ASTL: variants seen among roughly 807,000 people sequenced by gnomAD.
The protein encoded by ASTL is astacin like metalloendopeptidase.
A neutral mutation model predicts 36.7 loss-of-function variants in ASTL; 27 were observed. That is an observed-to-expected ratio of 0.73 (90% CI 0.54 to 1.01). ASTL has a LOEUF of 1.01. Ranked by LOEUF, ASTL falls within the 50% of genes least tolerant of loss-of-function variation. ASTL has a pLI of 0.00. For synonymous variants in ASTL, 222 were observed against 228.1 expected, an observed-to-expected ratio of 0.97 and a Z score of 0.24; for missense variants, 524 against 572.8, an observed-to-expected ratio of 0.91 and a Z score of 0.87.
At position 96,137,715 on chromosome 2, in the gene ASTL, C is replaced by G. The variant is rs1289788867; in HGVS notation, c.56-15G>C. 3.1e-6 allele frequency: 5 copies of G among 1,608,632 alleles called. No individual in the cohort carries two copies. Among genetic ancestry groups the G allele is most frequent in the Non-Finnish European group, 4.2e-6 (5 of 1,177,610 alleles). On this transcript the variant is annotated splice_polypyrimidine_tract_variant and intron_variant, in intron 1 of 8. Coordinates refer to ENST00000342380, the MANE Select transcript of ASTL (RefSeq NM_001002036.4). ...TAGGATCACACCTGGTCCAGACAGA[C>G]AGGGGCATACACAGATGCCTGGAGC...
Position 96,132,744 on chromosome 2 carries a change from G to A in ASTL, c.456-23C>T. 2 of 1,594,008 alleles carry A rather than the reference G, an allele frequency of 1.3e-6. No individual in the cohort carries two copies. Among genetic ancestry groups the A allele is most frequent in the Non-Finnish European group, 1.7e-6 (2 of 1,164,974 alleles). ...CACCTGCAGGGTGATGAGAGCAAGT[G>A]GGGTAAGTGCCAGCCCAGATCCCTC... On this transcript the variant is annotated intron_variant, in intron 5 of 8. Transcript: ENST00000342380. This position sits in a 1 kb window ranked among gnomAD's most constrained non-coding sequence, Gnocchi z 5.4.
rs1682328560 is a variant in ASTL at position 96,137,610 on chromosome 2, G to T, written c.146C>A (p.Ala49Asp). 2 of 1,613,976 alleles carry T rather than the reference G, an allele frequency of 1.2e-6. No homozygotes were observed. The highest frequency in any genetic ancestry group is 1.7e-6 in the Non-Finnish European group (2 of 1,179,884). ...TGCAGGAATGTCCTTGTCCCCGGAGGCCTGGGTTCCCTCAGGGGTGAGGCC... is the reference window on the plus strand; with the variant it reads ...TGCAGGAATGTCCTTGTCCCCGGAGTCCTGGGTTCCCTCAGGGGTGAGGCC... ...PDGLTPEGTQ[A>D]SGDKDIPAIN... Residue 49 changes from alanine (A) to aspartate (D), a missense_variant, in exon 2 of 9, where the codon GCC (alanine) becomes GAC (aspartate). Coordinates refer to ENST00000342380, the MANE Select transcript of ASTL (RefSeq NM_001002036.4).
chr2:96,130,187 G>C (rs549889647), intron 6 of ASTL, 42 bp from the exon 7 acceptor site: 5 of 1,524,202 alleles, frequency 3.3e-6, no homozygotes, highest in African/African-American at 2.7e-5. Flanking sequence ...TATATAAAGA[G>C]GGCAGGCAAG....
Position 96,138,464 on chromosome 2 carries a change from A to G in ASTL, c.-28T>C. 1 of 1,598,380 alleles carries G rather than the reference A, an allele frequency of 6.3e-7. No individual in the cohort carries two copies. Among genetic ancestry groups the G allele is most frequent in the Non-Finnish European group, 8.5e-7 (1 of 1,170,452 alleles). Reference sequence around the variant, plus strand: ...TAGAGCCCTGCTGCCCCTTCAGCAAACAAGACCAAGCCCCAGCAAGACACA... The same window carrying G: ...TAGAGCCCTGCTGCCCCTTCAGCAAGCAAGACCAAGCCCCAGCAAGACACA... On this transcript the variant is annotated 5_prime_UTR_variant, in exon 1 of 9. Coordinates refer to ENST00000342380, the MANE Select transcript of ASTL (RefSeq NM_001002036.4).
intron 8 of ASTL, among the ~76,000 whole-genome samples, chr2:96,125,406 A>T (rs1455460679): frequency 6.6e-6 from 1 of 152,126 alleles, no homozygotes; most frequent in Non-Finnish European, 1.5e-5. Context: ...ACTTGGGTCT[A>T]TTCCTGTCTT....
At chr2:96,130,235 T>A in intron 6 of ASTL, 90 bp from the exon 7 acceptor site, 1 of 1,018,690 alleles carries the variant, frequency 9.8e-7, no homozygotes, top group Non-Finnish European at 1.5e-6. Flanking sequence ...TTCTGGGAGC[T>A]CATAACTCAC....
chr2:96,126,278 C>T (rs909455995), intron 8 of ASTL, among the ~76,000 whole-genome samples: 2 of 152,188 alleles, frequency 1.3e-5, no homozygotes, highest in Non-Finnish European at 2.9e-5. Context: ...TGATGAGGGA[C>T]ATGTGTCTAG....
chr2:96,132,752 T>C lies in ASTL; in HGVS notation c.456-31A>G. 4.4e-6 allele frequency: 7 copies of C among 1,588,324 alleles called. No homozygotes were observed. The highest frequency in any genetic ancestry group is 6.0e-6 in the Non-Finnish European group (7 of 1,161,210). Reference sequence around the variant, plus strand: ...GGGTGATGAGAGCAAGTGGGGTAAGTGCCAGCCCAGATCCCTCCGGACATA... The same window carrying C: ...GGGTGATGAGAGCAAGTGGGGTAAGCGCCAGCCCAGATCCCTCCGGACATA... On this transcript the variant is annotated intron_variant, in intron 5 of 8. Coordinates refer to ENST00000342380, the MANE Select transcript of ASTL (RefSeq NM_001002036.4). This position sits in a 1 kb window ranked among gnomAD's most constrained non-coding sequence, Gnocchi z 5.4.
chr2:96,123,166 T>C lies in ASTL; in HGVS notation c.*684A>G, dbSNP rs1372235006. ...CTGCGCCTGGCTGAGCTCCAGGGAATAGCGGTGTAGGGTGGAGACAACTGA... is the reference window on the plus strand; with the variant it reads ...CTGCGCCTGGCTGAGCTCCAGGGAACAGCGGTGTAGGGTGGAGACAACTGA... On this transcript the variant is annotated 3_prime_UTR_variant, in exon 9 of 9. Coordinates refer to ENST00000342380, the MANE Select transcript of ASTL (RefSeq NM_001002036.4). Among the ~76,000 whole-genome samples the C allele has an allele frequency of 6.6e-6, 1 of 152,206 alleles. No homozygotes were observed. The highest frequency in any genetic ancestry group is 1.5e-5 in the Non-Finnish European group (1 of 68,024).
At position 96,129,833 on chromosome 2, in the gene ASTL, G is replaced by A. The variant is rs376388497; in HGVS notation, c.865C>T (p.Arg289Cys). Residue 289 changes from arginine to cysteine, a missense_variant, in exon 8 of 9, where the codon CGT (arginine) becomes TGT (cysteine). Arg to Cys is a radical substitution (Grantham distance 180). Coordinates refer to ENST00000342380, the MANE Select transcript of ASTL (RefSeq NM_001002036.4). ...CTGCCATGCCACTCACCTCTCCCAC[G>A]GGGCCTGGGGCCACTTGGGCTGCAG... ...YGCSPSGPRP[R>C]GRGSHAHSTG... 1.4e-5 allele frequency: 21 copies of A among 1,551,140 alleles called. No individual in the cohort carries two copies. Among genetic ancestry groups the A allele is most frequent in the African/African-American group, 2.7e-5 (2 of 73,012 alleles).
At chr2:96,135,306 A>C in intron 3 of ASTL, 45 bp downstream of exon 3, 1 of 1,577,760 alleles carries the variant, frequency 6.3e-7, no homozygotes, top group South Asian at 1.1e-5. Context: ...CCTGTCGCCA[A>C]CTGTGGGCTT....
chr2:96,126,391 A>G (rs1189294140), intron 8 of ASTL, among the ~76,000 whole-genome samples: 2 of 152,248 alleles, frequency 1.3e-5, no homozygotes, highest in Non-Finnish European at 2.9e-5. Context: ...CAACAAGCAC[A>G]TTAAAAGATG....
intron 6 of ASTL, among the ~76,000 whole-genome samples, chr2:96,131,086 G>GT (rs1308526224): frequency 6.6e-6 from 1 of 152,152 alleles, no homozygotes; most frequent in Non-Finnish European, 1.5e-5. Flanking sequence ...GGGAACCCGT[G>GT]TTTTAGCCTG....
intron 3 of ASTL, among the ~76,000 whole-genome samples, chr2:96,134,831 A>C (rs537793728): frequency 6.6e-6 from 1 of 152,316 alleles, no homozygotes; most frequent in African/African-American, 2.4e-5. Flanking sequence ...CATGGCTGCC[A>C]TCCTGGGCAC....
chr2:96,125,100 T>C (rs1466466302), intron 8 of ASTL, among the ~76,000 whole-genome samples: 1 of 152,156 alleles, frequency 6.6e-6, no homozygotes, highest in East Asian at 1.9e-4. Context: ...AGACCCAGCA[T>C]CATCCTACAC....
intron 8 of ASTL, among the ~76,000 whole-genome samples, chr2:96,125,393 C>A (rs1682045241): frequency 6.6e-6 from 1 of 151,840 alleles, no homozygotes; most frequent in Non-Finnish European, 1.5e-5. Context: ...GATCCTCCTG[C>A]AGACTTGGGT....
At position 96,137,664 on chromosome 2, in the gene ASTL, G is replaced by A. The variant is rs1682330479; in HGVS notation, c.92C>T (p.Ala31Val). ...ILGAPLASSCAGACGTSFPDG... is the reference protein window; with the variant it reads ...ILGAPLASSCVGACGTSFPDG... ...TGGGAAGCTGGTACCACAGGCTCCT[G>A]CGCAGCTGGAGGCCAGGGGCGCTCC... Residue 31 changes from alanine (A) to valine (V), a missense_variant, in exon 2 of 9, where the codon GCA becomes GTA. Coordinates refer to ENST00000342380, the MANE Select transcript of ASTL (RefSeq NM_001002036.4). 3.1e-6 allele frequency: 5 copies of A among 1,613,710 alleles called. No homozygotes were observed. Among genetic ancestry groups the A allele is most frequent in the Non-Finnish European group, 4.2e-6 (5 of 1,179,876 alleles).
intron 3 of ASTL, 120 bp from the exon 4 acceptor site, chr2:96,134,178 A>C: frequency 8.5e-6 from 6 of 701,992 alleles, no homozygotes; most frequent in South Asian, 6.1e-5. Flanking sequence ...ACCTGTGTGC[A>C]TGGGAATGGG....
chr2:96,123,953 G>A lies in ASTL; in HGVS notation c.1193C>T (p.Pro398Leu), dbSNP rs1184122330. The change falls in exon 9 of 9, where the codon CCA (proline) becomes CTA (leucine). Residue 398 changes from proline to leucine, a missense_variant. Physicochemically the swap from Pro to Leu is moderately conservative, Grantham distance 98. Transcript: ENST00000342380. Reference sequence around the variant, plus strand: ...TGGCTGGATTCCTGCTTCTGAAGATGGGACTGTGGGCTTGGTGGACACTCC... The same window carrying A: ...TGGCTGGATTCCTGCTTCTGAAGATAGGACTGTGGGCTTGGTGGACACTCC... ...LAGVSTKPTV[P>L]SSEAGIQPVP... is the part of the protein sequence containing the mutation. 6.2e-7 allele frequency: 1 copy of A among 1,614,034 alleles called. No homozygotes were observed. Among genetic ancestry groups the A allele is most frequent in the South Asian group, 1.1e-5 (1 of 91,088 alleles).
Sources: gnomAD v4.1 joint callset for allele counts (sites outside exome capture counted in the v4.1 genomes callset) on GRCh38, gnomAD v4.1.1 for gene constraint, Gnocchi (gnomAD v3.1) non-coding constraint, MANE v1.5 for transcripts, NCBI Gene and HGNC (gene_info 2026-07-23, HGNC 2026-07-21) for gene names.